The following ATXN1 variants were observed in gnomAD, a reference collection of about 807,000 sequenced individuals.
ATXN1 encodes ataxin-1.
A neutral mutation model predicts 56.4 loss-of-function variants in ATXN1; 8 were observed. That is an observed-to-expected ratio of 0.14 (90% CI 0.08 to 0.26). The LOEUF (loss-of-function observed/expected upper bound fraction) is 0.26. Ranked by LOEUF, ATXN1 falls within the 10% of genes least tolerant of loss-of-function variation. ATXN1 has a pLI of 1.00. For missense variants in ATXN1, 987 were observed against 1,106.5 expected, an observed-to-expected ratio of 0.89 and a Z score of 1.53; for synonymous variants, 514 against 494.6, an observed-to-expected ratio of 1.04 and a Z score of -0.52.
chr6:16,573,528 T>C (rs1007595989), intron 4 of ATXN1, among the ~76,000 whole-genome samples: 12 of 152,054 alleles, frequency 7.9e-5, no homozygotes, highest in Non-Finnish European at 1.5e-4. Context: ...CTACATACAT[T>C]GTCACCGGTT....
intron 5 of ATXN1, among the ~76,000 whole-genome samples, chr6:16,512,688 G>A (rs1381608854): frequency 1.3e-5 from 2 of 152,132 alleles, no homozygotes; most frequent in Admixed American, 1.3e-4. Flanking sequence ...TAAAAGTTCT[G>A]CCCACAGATT....
chr6:16,632,011 T>C (rs1272286305), intron 3 of ATXN1, among the ~76,000 whole-genome samples: 1 of 152,172 alleles, frequency 6.6e-6, no homozygotes, highest in African/African-American at 2.4e-5. Context: ...TCCTTCACTT[T>C]TGTCTCACAC....
intron 6 of ATXN1, among the ~76,000 whole-genome samples, chr6:16,441,340 AT>A (rs1161273085): frequency 6.6e-5 from 10 of 152,320 alleles, no homozygotes; most frequent in African/African-American, 2.2e-4. Context: ...ATTTTATTCC[AT>A]GGAAACAACA....
At chr6:16,422,181 A>G (rs1182839013) in intron 6 of ATXN1, among the ~76,000 whole-genome samples, 1 of 152,176 alleles carries the variant, frequency 6.6e-6, no homozygotes, top group East Asian at 1.9e-4. Context: ...TTGAGGTTTC[A>G]GAGACAGTGA....
chr6:16,320,629 T>C (rs753920344), intron 7 of ATXN1, among the ~76,000 whole-genome samples: 24 of 152,240 alleles, frequency 1.6e-4, no homozygotes, highest in Admixed American at 7.8e-4. Flanking sequence ...GCTGGGGCCA[T>C]CCTGGGCAGG....
chr6:16,568,585 G>C lies in ATXN1; in HGVS notation c.-361+17195C>G, dbSNP rs1762273527. On this transcript the variant is annotated intron_variant, in intron 4 of 7. Transcript: ENST00000436367. ...ACAAACTCTAGTACCATGAGCAGGG[G>C]ACAGGAGGTGAAGAAATCATGAGGA... Among the ~76,000 whole-genome samples the C allele has an allele frequency of 2.0e-5, 3 of 152,196 alleles. 1 individual carries two copies. Among genetic ancestry groups the C allele is most frequent in the Admixed American group, 1.3e-4 (2 of 15,282 alleles).
intron 2 of ATXN1, among the ~76,000 whole-genome samples, chr6:16,708,521 T>C (rs892311969): frequency 2.6e-5 from 4 of 152,180 alleles, no homozygotes; most frequent in Admixed American, 1.3e-4. Flanking sequence ...ACATAAGGGC[T>C]CATTGCAAGA....
chr6:16,442,091 T>C (rs954816530), intron 6 of ATXN1, among the ~76,000 whole-genome samples: 2 of 152,068 alleles, frequency 1.3e-5, no homozygotes, highest in Non-Finnish European at 2.9e-5. Flanking sequence ...TCAGGTAAAA[T>C]GACTGAGTTA....
At chr6:16,406,376 T>C (rs915934613) in intron 6 of ATXN1, among the ~76,000 whole-genome samples, 1 of 152,248 alleles carries the variant, frequency 6.6e-6, no homozygotes, top group Non-Finnish European at 1.5e-5. Context: ...TCATCTCTAT[T>C]TTTAAAGTAA....
intron 2 of ATXN1, among the ~76,000 whole-genome samples, chr6:16,715,397 A>G (rs769186409): frequency 6.6e-6 from 1 of 152,186 alleles, no homozygotes; most frequent in Non-Finnish European, 1.5e-5. Flanking sequence ...TCTGGAACCT[A>G]TAACATGTGT....
intron 6 of ATXN1, among the ~76,000 whole-genome samples, chr6:16,348,466 G>T (rs980780342): frequency 6.6e-6 from 1 of 151,818 alleles, no homozygotes; most frequent in Non-Finnish European, 1.5e-5. Context: ...CAGAGGCCGA[G>T]GGGGGGCAGA....
chr6:16,482,403 T>C (rs1318857471), intron 6 of ATXN1, among the ~76,000 whole-genome samples: 1 of 152,080 alleles, frequency 6.6e-6, no homozygotes, highest in East Asian at 1.9e-4. Flanking sequence ...AAATATATAA[T>C]ATGTAAGGTG....
chr6:16,327,650 G>GCTC lies in ATXN1; in HGVS notation c.660_661insGAG (p.Gln220_Gln221insGlu). 6.5e-7 allele frequency: 1 copy of GCTC among 1,543,986 alleles called. No homozygotes were observed. The highest frequency in any genetic ancestry group is 8.7e-7 in the Non-Finnish European group (1 of 1,153,760). The stretch of plus-strand genomic sequence containing the variant: ...CTGCTGAGGTGCTGCTGCTGCTGCT[G>GCTC]CTGCTGCTGCTGCTGCTGCTGCTGC... On this transcript the variant is annotated inframe_insertion, in exon 7 of 8. Coordinates refer to ENST00000436367, the MANE Select transcript of ATXN1 (RefSeq NM_001128164.2).
At chr6:16,337,770 G>A (rs1055022180) in intron 6 of ATXN1, among the ~76,000 whole-genome samples, 3 of 152,236 alleles carry the variant, frequency 2.0e-5, no homozygotes, top group Non-Finnish European at 4.4e-5. Flanking sequence ...CACGCTGCCT[G>A]GAGTTAGTGG....
intron 2 of ATXN1, among the ~76,000 whole-genome samples, chr6:16,750,641 T>C (rs1486108096): frequency 6.6e-6 from 1 of 152,218 alleles, no homozygotes; most frequent in African/African-American, 2.4e-5. Flanking sequence ...ATTTTAGTAT[T>C]CATAAGACAC....
intron 6 of ATXN1, among the ~76,000 whole-genome samples, chr6:16,329,286 C>T (rs1163956645): frequency 6.6e-6 from 1 of 152,098 alleles, no homozygotes; most frequent in African/African-American, 2.4e-5. Flanking sequence ...CAGTGAAAGT[C>T]CAGAACAGTC....
intron 5 of ATXN1, among the ~76,000 whole-genome samples, chr6:16,497,683 G>C (rs143237604): frequency 6.6e-6 from 1 of 152,256 alleles, no homozygotes; most frequent in African/African-American, 2.4e-5. Context: ...CTGGTGGCAG[G>C]GCCATGCTGG....
intron 5 of ATXN1, among the ~76,000 whole-genome samples, chr6:16,491,927 C>T (rs1581798096): frequency 6.6e-6 from 1 of 152,138 alleles, no homozygotes. Flanking sequence ...ATGCCAGGAC[C>T]TGAGAGTGGC....
At chr6:16,583,810 T>C (rs1490184280) in intron 4 of ATXN1, among the ~76,000 whole-genome samples, 1 of 152,018 alleles carries the variant, frequency 6.6e-6, no homozygotes, top group Non-Finnish European at 1.5e-5. Context: ...ACAAATTAAA[T>C]CCATTCAGAA....
Sources: allele counts gnomAD v4.1 joint callset (sites outside exome capture counted in the v4.1 genomes callset), GRCh38; gene constraint gnomAD v4.1.1; transcripts MANE v1.5; gene names NCBI Gene and HGNC (gene_info 2026-07-23, HGNC 2026-07-21).